Variants in MAK16 observed in about 807,000 individuals in gnomAD.
The protein encoded by MAK16 is protein MAK16 homolog.
In MAK16, 12 loss-of-function variants were observed where a neutral mutation model predicts 49.9. The ratio of observed to expected loss-of-function variants is 0.24; its 90% CI spans 0.15 to 0.39. The LOEUF is 0.39. Ranked by LOEUF, MAK16 falls within the 10% of genes least tolerant of loss-of-function variation. MAK16 has a pLI of 1.00. For missense variants in MAK16, 292 were observed against 363.7 expected (o/e 0.80, Z 1.60); for synonymous variants, 115 against 126.4 (o/e 0.91, Z 0.60).
intron 1 of MAK16, among the ~76,000 whole-genome samples, chr8:33,487,214 T>C (rs1287441204): frequency 1.3e-5 from 2 of 152,190 alleles, no homozygotes; most frequent in Non-Finnish European, 2.9e-5. Flanking sequence ...TAGACGAAAC[T>C]CTTTAAAGAG....
At position 33,498,673 on chromosome 8, in the gene MAK16, GTT is replaced by G. The variant is rs11445524; in HGVS notation, c.*59_*60del. ...TACCCAGGACTGAACATGCAGAACT[GTT>G]TTTTTTTTTTTTTTATCTTAAACAC... On this transcript the variant is annotated 3_prime_UTR_variant, in exon 10 of 10. Transcript: ENST00000360128. 7.5e-3 allele frequency: 8,670 copies of G among 1,155,044 alleles called. 23 individuals carry two copies. Among genetic ancestry groups the G allele is most frequent in the African/African-American group, 0.031 (1,870 of 61,188 alleles). The allele number at this position is 1,155,044 out of a possible 1,614,324, so 71.5% of individuals were successfully genotyped here.
In MAK16 at chr8:33,490,268, T is replaced by C. The variant is rs1037548253; in HGVS notation, c.393-17T>C. The C allele has an allele frequency of 2.4e-5, 39 of 1,604,972 alleles. No homozygotes were observed. Among genetic ancestry groups the C allele is most frequent in the Non-Finnish European group, 3.1e-5 (36 of 1,172,460 alleles). On this transcript the variant is annotated splice_polypyrimidine_tract_variant and intron_variant, in intron 5 of 9. Coordinates refer to ENST00000360128, the MANE Select transcript of MAK16 (RefSeq NM_032509.4). ...GCACATGACAGTGGATTTTCTGATA[T>C]ATTTTCTTTCCCTTAGGAGGAAACT...
intron 6 of MAK16, among the ~76,000 whole-genome samples, chr8:33,493,644 G>A (rs1021608506): frequency 6.6e-6 from 1 of 152,178 alleles, no homozygotes; most frequent in African/African-American, 2.4e-5. Context: ...TAGTTATGGA[G>A]CGGCTTTTTT....
Position 33,489,155 on chromosome 8 carries a change from A to G in MAK16, c.392+16A>G. 1 of 1,590,814 alleles carries G rather than the reference A, an allele frequency of 6.3e-7. No homozygotes were observed. Among genetic ancestry groups the G allele is most frequent in the East Asian group, 2.2e-5 (1 of 44,734 alleles). On this transcript the variant is annotated intron_variant, in intron 5 of 9. Transcript: ENST00000360128. The surrounding 1 kb of genome is among the most constrained non-coding windows in gnomAD (Gnocchi z 4.2). ...TAAAGCGACAGTAAGTATTTGGATC[A>G]TTCATTATTTTTAAATCTCTCTTTT...
rs373990213 is a variant in MAK16 at position 33,495,679 on chromosome 8, T to C, written c.522+63T>C. On this transcript the variant is annotated intron_variant, in intron 7 of 9. Transcript: ENST00000360128. ...AGTGGTAGTATGTTGCTAAGACATA[T>C]TGGGAATTTTTTTTTTTTTTTTTTT... 54 of 678,856 alleles carry C rather than the reference T, an allele frequency of 8.0e-5. No individual in the cohort carries two copies. In the Admixed American group the frequency reaches 1.3e-3, roughly 16 times the overall value. The allele number at this position is 678,856 out of a possible 1,614,324, so 42.1% of individuals were successfully genotyped here.
At chr8:33,488,312 T>G in intron 1 of MAK16, 66 bp from the exon 2 acceptor site, 1 of 1,507,232 alleles carries the variant, frequency 6.6e-7, no homozygotes, top group Non-Finnish European at 9.2e-7. Context: ...GGGCATTGCC[T>G]TCTTGAATTA....
At chr8:33,490,441 A>G (rs1033834627) in intron 6 of MAK16, 102 bp downstream of exon 6, 3 of 805,578 alleles carry the variant, frequency 3.7e-6, no homozygotes, top group Admixed American at 2.6e-5. Context: ...GCCTTGGATA[A>G]TGGTTCACTA....
rs1431108316 is a variant in MAK16 at position 33,489,849 on chromosome 8, G to C, written c.393-436G>C. ...TTAACAGAATACCTTCTCTAGGACT[G>C]TTAGGCCCTAATGCTTTTTGACTGT... On this transcript the variant is annotated intron_variant, in intron 5 of 9. Transcript: ENST00000360128. This position sits in a 1 kb window ranked among gnomAD's most constrained non-coding sequence, Gnocchi z 4.2. 6.6e-6 allele frequency among the ~76,000 whole-genome samples: 1 copy of C among 152,194 alleles called. No individual in the cohort carries two copies. The highest frequency in any genetic ancestry group is 1.5e-5 in the Non-Finnish European group (1 of 68,038).
rs201156037 is a variant in MAK16, at chr8:33,488,797, G to A, written c.239G>A (p.Arg80Gln). The change falls in exon 4 of 10, where the codon CGG (arginine) becomes CAG (glutamine). Residue 80 changes from arginine (R) to glutamine (Q), a missense_variant and splice_region_variant. Transcript: ENST00000360128. Reference protein sequence around the residue: ...RAAFPRRLWERVRLSKNYEKA... With the variant: ...RAAFPRRLWEQVRLSKNYEKA... ...GCTTTTCCTCGGCGTCTCTGGGAACGGGTAAGCCTTACAACAAAACTACAG... is the reference window on the plus strand; with the variant it reads ...GCTTTTCCTCGGCGTCTCTGGGAACAGGTAAGCCTTACAACAAAACTACAG... 6.9e-5 allele frequency: 112 copies of A among 1,614,152 alleles called. No homozygotes were observed. Among genetic ancestry groups the A allele is most frequent in the Admixed American group, 5.2e-4 (31 of 60,016 alleles).
chr8:33,492,302 G>A (rs1314643361), intron 6 of MAK16, among the ~76,000 whole-genome samples: 10 of 152,142 alleles, frequency 6.6e-5, no homozygotes, highest in African/African-American at 1.2e-4. Flanking sequence ...GTGAGCCACC[G>A]CGCTGGCCTG....
At chr8:33,492,997 A>G (rs1335025930) in intron 6 of MAK16, among the ~76,000 whole-genome samples, 1 of 142,932 alleles carries the variant, frequency 7.0e-6, no homozygotes, top group Non-Finnish European at 1.5e-5. Context: ...TCTTTTTTTT[A>G]TATTTATATT....
rs1286122338 is a variant in MAK16 at position 33,486,768 on chromosome 8, C to T, written c.15+1547C>T. ...GATTTTATTTATTGAAGTGGGGGAA[C>T]TCTAGGGAAGACTGTTCTTACGAGG... On this transcript the variant is annotated intron_variant, in intron 1 of 9. Coordinates refer to ENST00000360128, the MANE Select transcript of MAK16 (RefSeq NM_032509.4). 1.3e-5 allele frequency among the ~76,000 whole-genome samples: 2 copies of T among 152,126 alleles called. 1 individual carries two copies. Among genetic ancestry groups the T allele is most frequent in the Non-Finnish European group, 2.9e-5 (2 of 68,016 alleles).
rs772506954 is a variant in MAK16, at chr8:33,497,255, C to A, written c.663C>A (p.Val221=). 6.2e-7 allele frequency: 1 copy of A among 1,606,750 alleles called. No individual in the cohort carries two copies. Among genetic ancestry groups the A allele is most frequent in the African/African-American group, 1.4e-5 (1 of 73,034 alleles). Residue 221 remains valine (V), a synonymous_variant, in exon 9 of 10, where the codon GTC becomes GTA. Coordinates refer to ENST00000360128, the MANE Select transcript of MAK16 (RefSeq NM_032509.4). ...AGGATGTGGGGAAAAGAGAATTTGT[C>A]GAAGATGGTGAGGTAGATGAGAGTG... ...DEEDVGKREF[V]EDGEVDESDI...
Position 33,496,608 on chromosome 8 carries a change from GTGTTTA to G in MAK16, c.523-12_523-7del. 6.3e-7 allele frequency: 1 copy of G among 1,592,928 alleles called. No homozygotes were observed. ...ATCCAAATGTAGTTAAAGCCAATCT[GTGTTTA>G]TGTTCTTCAGTATGGCGACATCTAC... is the stretch of plus-strand genomic sequence containing the variant. On this transcript the variant is annotated splice_polypyrimidine_tract_variant and intron_variant, in intron 7 of 9. Coordinates refer to ENST00000360128, the MANE Select transcript of MAK16 (RefSeq NM_032509.4).
At position 33,489,706 on chromosome 8, in the gene MAK16, G is replaced by C. The variant is rs1225387447; in HGVS notation, c.392+567G>C. Among the ~76,000 whole-genome samples, 1 of 152,122 alleles carries C rather than the reference G, an allele frequency of 6.6e-6. No homozygotes were observed. The highest frequency in any genetic ancestry group is 2.4e-5 in the African/African-American group (1 of 41,436). The stretch of plus-strand genomic sequence containing the variant: ...AAAATTTCCTCTATGACCCCCGAGG[G>C]AATCTTAACTTTAGAGATTTGAAAA... On this transcript the variant is annotated intron_variant, in intron 5 of 9. Coordinates refer to ENST00000360128, the MANE Select transcript of MAK16 (RefSeq NM_032509.4). This position sits in a 1 kb window ranked among gnomAD's most constrained non-coding sequence, Gnocchi z 4.2.
chr8:33,487,134 A>T (rs1357972810), intron 1 of MAK16, among the ~76,000 whole-genome samples: 1 of 152,182 alleles, frequency 6.6e-6, no homozygotes, highest in East Asian at 1.9e-4. Context: ...TCATACTCTT[A>T]CGCATGCTAT....
Position 33,500,165 on chromosome 8 carries a change from A to G in MAK16, c.*1536A>G. On this transcript the variant is annotated 3_prime_UTR_variant, in exon 10 of 10. Transcript: ENST00000360128. The stretch of plus-strand genomic sequence containing the variant: ...TAGCTTTAAAAGATGAATAAGAAAA[A>G]AGATCAAGCTCTTTTGAGGCTAGAG... 1 of 719,628 alleles carries G rather than the reference A, an allele frequency of 1.4e-6. No homozygotes were observed. Among genetic ancestry groups the G allele is most frequent in the Non-Finnish European group, 2.2e-6 (1 of 445,350 alleles). 44.6% of individuals were successfully genotyped at this position (719,628 alleles called of 1,614,324 possible). A position where few individuals can be genotyped will look rare whatever the true frequency, so the allele number is the denominator to read the frequency against.
At position 33,498,670 on chromosome 8, in the gene MAK16, A is replaced by AAT; in HGVS notation, c.*41_*42insAT. Reference sequence around the variant, plus strand: ...TTATACCCAGGACTGAACATGCAGAACTGTTTTTTTTTTTTTTTTATCTTA... The same window carrying AAT: ...TTATACCCAGGACTGAACATGCAGAAATCTGTTTTTTTTTTTTTTTTATCTTA... On this transcript the variant is annotated 3_prime_UTR_variant, in exon 10 of 10. Coordinates refer to ENST00000360128, the MANE Select transcript of MAK16 (RefSeq NM_032509.4). 1.4e-6 allele frequency: 2 copies of AAT among 1,386,118 alleles called. No individual in the cohort carries two copies. The highest frequency in any genetic ancestry group is 2.0e-6 in the Non-Finnish European group (2 of 1,024,100). 85.9% of individuals were successfully genotyped at this position (1,386,118 alleles called of 1,614,324 possible). A position where few individuals can be genotyped will look rare whatever the true frequency, so the allele number is the denominator to read the frequency against.
At position 33,490,264 on chromosome 8, in the gene MAK16, GAT is replaced by G. The variant is rs760614864; in HGVS notation, c.393-16_393-15del. On this transcript the variant is annotated intron_variant, in intron 5 of 9. Coordinates refer to ENST00000360128, the MANE Select transcript of MAK16 (RefSeq NM_032509.4). ...CACAGCACATGACAGTGGATTTTCTGATATATTTTCTTTCCCTTAGGAGGAAA... is the reference window on the plus strand; with the variant it reads ...CACAGCACATGACAGTGGATTTTCTGATATTTTCTTTCCCTTAGGAGGAAA... 2.1e-5 allele frequency: 33 copies of G among 1,601,174 alleles called. No homozygotes were observed. In the African/African-American group the frequency reaches 3.5e-4, roughly 17 times the overall value.
Sources: gnomAD v4.1 joint callset for allele counts (sites outside exome capture counted in the v4.1 genomes callset) on GRCh38, gnomAD v4.1.1 for gene constraint, Gnocchi (gnomAD v3.1) non-coding constraint, MANE v1.5 for transcripts, NCBI Gene and HGNC (gene_info 2026-07-23, HGNC 2026-07-21) for gene names.